Variants in SNTG2 observed in about 807,000 individuals in gnomAD.
SNTG2 encodes syntrophin gamma 2.
A neutral mutation model predicts 70.9 loss-of-function variants in SNTG2; 74 were observed. The observed-to-expected ratio is 1.04, with a 90% CI of 0.86 to 1.27. The LOEUF (loss-of-function observed/expected upper bound fraction) is 1.27, where lower values mean the gene tolerates loss of function less well. SNTG2 is among the 50% of genes most tolerant of loss of function. SNTG2 has a pLI of 0.00. For missense variants in SNTG2, 717 were observed against 690.7 expected (o/e 1.04, Z -0.43); for synonymous variants, 278 against 273.8 (o/e 1.02, Z -0.15).
In SNTG2 at chr2:1,247,362, A is replaced by C. The variant is rs761701043; in HGVS notation, c.924A>C (p.Gln308His). 40 of 1,613,824 alleles carry C rather than the reference A, an allele frequency of 2.5e-5. No homozygotes were observed. The South Asian group carries it at 4.0e-4, about 16-fold the overall frequency. Residue 308 changes from glutamine (Q) to histidine (H), a missense_variant, in exon 12 of 17, where the codon CAA (glutamine) becomes CAC (histidine). Gln to His is a conservative substitution (Grantham distance 24). Coordinates refer to ENST00000308624, the MANE Select transcript of SNTG2 (RefSeq NM_018968.4). ...VHMGWVNEKL[Q>H]GADSSQTFRP... ...TGGGGTGGGTAAATGAGAAACTCCA[A>C]GGAGCTGACTCCTCTCAAACCTTCA...
At chr2:956,540 G>A (rs10171795) in intron 1 of SNTG2, among the ~76,000 whole-genome samples, 3 of 152,152 alleles carry the variant, frequency 2.0e-5, no homozygotes, top group African/African-American at 4.8e-5. Flanking sequence ...ACCTGCCCCC[G>A]CAACCCATGC....
chr2:1,048,378 G>A (rs1276558590), intron 1 of SNTG2, among the ~76,000 whole-genome samples: 3 of 152,148 alleles, frequency 2.0e-5, no homozygotes, highest in Non-Finnish European at 4.4e-5. Context: ...GAGTGAATTA[G>A]TGAATGACTT....
intron 1 of SNTG2, among the ~76,000 whole-genome samples, chr2:964,267 G>T (rs1057457117): frequency 1.3e-5 from 2 of 152,172 alleles, no homozygotes; most frequent in Admixed American, 1.3e-4. Context: ...TGGAAAGTTT[G>T]TTGGAAGCAT....
chr2:1,086,242 G>A (rs1345069403), intron 2 of SNTG2, among the ~76,000 whole-genome samples: 2 of 152,216 alleles, frequency 1.3e-5, no homozygotes, highest in African/African-American at 4.8e-5. Context: ...CTGGTGTGAG[G>A]TGATTTAACC....
chr2:1,248,414 A>T (rs1335630250), intron 12 of SNTG2, among the ~76,000 whole-genome samples: 3 of 152,198 alleles, frequency 2.0e-5, no homozygotes, highest in Non-Finnish European at 4.4e-5. Context: ...GTCAAACTTC[A>T]GTTTTTCTAC....
At chr2:1,186,997 A>T (rs1391482410) in intron 8 of SNTG2, among the ~76,000 whole-genome samples, 1 of 152,200 alleles carries the variant, frequency 6.6e-6, no homozygotes, top group Non-Finnish European at 1.5e-5. Flanking sequence ...GGTGGCAGCT[A>T]CAAATTCAGC....
intron 7 of SNTG2, among the ~76,000 whole-genome samples, chr2:1,168,331 C>T (rs1032267026): frequency 9.2e-5 from 14 of 152,288 alleles, no homozygotes; most frequent in Middle Eastern, 3.4e-3. Context: ...CGCCCACAGA[C>T]GGCAGAACTA....
chr2:1,338,639 A>G (rs1280474334), intron 16 of SNTG2, among the ~76,000 whole-genome samples: 1 of 152,088 alleles, frequency 6.6e-6, no homozygotes, highest in Admixed American at 6.5e-5. Context: ...TACCTTTTCT[A>G]TCTGGCTTCT....
At chr2:1,089,530 G>C (rs1018295407) in intron 2 of SNTG2, among the ~76,000 whole-genome samples, 1 of 152,166 alleles carries the variant, frequency 6.6e-6, no homozygotes, top group Non-Finnish European at 1.5e-5. Flanking sequence ...AGCTACTCAG[G>C]AGGCTGAAGC....
At chr2:990,552 T>G (rs537025472) in intron 1 of SNTG2, among the ~76,000 whole-genome samples, 1 of 152,302 alleles carries the variant, frequency 6.6e-6, no homozygotes, top group East Asian at 1.9e-4. Flanking sequence ...CTCCATGACC[T>G]AATAATCTCC....
chr2:1,121,391 G>T, intron 4 of SNTG2, among the ~76,000 whole-genome samples: 1 of 151,652 alleles, frequency 6.6e-6, no homozygotes, highest in East Asian at 1.9e-4. Flanking sequence ...GAAGGAAAGA[G>T]GATGAGAACA....
intron 1 of SNTG2, 21 bp downstream of exon 1, chr2:951,089 C>T (rs1262341612): frequency 1.6e-6 from 2 of 1,226,988 alleles, no homozygotes; most frequent in African/African-American, 1.6e-5. Flanking sequence ...CCCCTCAGCG[C>T]CCCTTCACCT....
At chr2:976,319 A>AG (rs2147961901) in intron 1 of SNTG2, among the ~76,000 whole-genome samples, 1 of 152,330 alleles carries the variant, frequency 6.6e-6, no homozygotes, top group Non-Finnish European at 1.5e-5. Context: ...GAAGCTGGGG[A>AG]GGAAGAGAAA....
intron 1 of SNTG2, among the ~76,000 whole-genome samples, chr2:952,243 C>T (rs1239536241): frequency 6.6e-6 from 1 of 152,182 alleles, no homozygotes; most frequent in East Asian, 1.9e-4. Context: ...TGGAAATAAA[C>T]CGCAGTAAAA....
intron 6 of SNTG2, among the ~76,000 whole-genome samples, chr2:1,156,900 T>A (rs553533046): frequency 3.9e-5 from 6 of 152,022 alleles, no homozygotes; most frequent in Non-Finnish European, 1.5e-5. Context: ...CCACGGTGAT[T>A]GGATGTGTGG....
At chr2:1,008,611 A>G (rs922838687) in intron 1 of SNTG2, among the ~76,000 whole-genome samples, 3 of 152,230 alleles carry the variant, frequency 2.0e-5, no homozygotes, top group African/African-American at 4.8e-5. Context: ...ATTTATATGT[A>G]TTAACATTAC....
At chr2:964,658 A>G (rs1660465590) in intron 1 of SNTG2, among the ~76,000 whole-genome samples, 1 of 152,164 alleles carries the variant, frequency 6.6e-6, no homozygotes, top group Admixed American at 6.5e-5. Context: ...CCTGTGGGGA[A>G]GAGACACTGG....
intron 1 of SNTG2, among the ~76,000 whole-genome samples, chr2:1,028,418 A>T (rs1441094512): frequency 6.6e-6 from 1 of 152,238 alleles, no homozygotes; most frequent in African/African-American, 2.4e-5. Context: ...AGGTATCCTG[A>T]TAGGGTAGCA....
In SNTG2 at chr2:1,190,356, ACTCT is replaced by A. The variant is rs1672506440; in HGVS notation, c.591+17176_591+17179del. Among the ~76,000 whole-genome samples, 2 of 149,946 alleles carry A rather than the reference ACTCT, an allele frequency of 1.3e-5. 1 individual carries two copies. Among genetic ancestry groups the A allele is most frequent in the South Asian group, 4.2e-4 (2 of 4,760 alleles). On this transcript the variant is annotated intron_variant, in intron 8 of 16. Coordinates refer to ENST00000308624, the MANE Select transcript of SNTG2 (RefSeq NM_018968.4). ...TGTAAATGCTGTGTAAATAGTTCCT[ACTCT>A]CTATTTTTCTATTCTATATATTTCT...
Sources: allele counts gnomAD v4.1 joint callset (sites outside exome capture counted in the v4.1 genomes callset), GRCh38; gene constraint gnomAD v4.1.1; transcripts MANE v1.5; gene names NCBI Gene and HGNC (gene_info 2026-07-23, HGNC 2026-07-21).